Variants in SPON2 observed in about 807,000 individuals in gnomAD.
SPON2 encodes the protein spondin 2.
In SPON2, 32 loss-of-function variants were observed where a neutral mutation model predicts 29.9. The ratio of observed to expected loss-of-function variants is 1.07; its 90% CI spans 0.81 to 1.44. SPON2 has a LOEUF of 1.44. Among genes scored for constraint, SPON2 ranks in the 40% most tolerant of loss-of-function variants. SPON2 has a pLI of 0.00. For missense variants in SPON2, 541 were observed against 455.5 expected, an observed-to-expected ratio of 1.19 and a Z score of -1.71; for synonymous variants, 248 against 209.1, an observed-to-expected ratio of 1.19 and a Z score of -1.61.
At chr4:1,175,894 T>C (rs779856231), upstream of SPON2, among the ~76,000 whole-genome samples, 2 of 151,974 alleles carry the variant, frequency 1.3e-5, no homozygotes, top group Non-Finnish European at 2.9e-5. Context: ...GGGGGCTTGT[T>C]TGGAGGGCTG....
At chr4:1,200,707 C>T (rs1364807523) in intron 1 of SPON2, 6 of 418,716 alleles carry the variant, frequency 1.4e-5, no homozygotes, top group East Asian at 1.4e-4. Flanking sequence ...CTCCCATCTG[C>T]GTGGACATCG....
At position 1,170,019 on chromosome 4, in the gene SPON2, C is replaced by A. The variant is rs78535033; in HGVS notation, c.811+383G>T. ...CTGTGTGGTGGCTGGGTCCCGAGAC[C>A]CCCACAGGTGCCCTGCAGCATAGCT... On this transcript the variant is annotated intron_variant, in intron 5 of 5. Transcript: ENST00000290902. The A allele has an allele frequency of 7.8e-3, 1,794 of 229,686 alleles. 15 individuals carry two copies. The highest frequency in any genetic ancestry group is 0.014 in the Admixed American group (239 of 17,082). The allele number at this position is 229,686 out of a possible 1,614,324, so 14.2% of individuals were successfully genotyped here.
chr4:1,182,728 C>G (rs1205586725), intron 1 of SPON2, among the ~76,000 whole-genome samples: 1 of 152,032 alleles, frequency 6.6e-6, no homozygotes, highest in Non-Finnish European at 1.5e-5. Flanking sequence ...AACATCTAAG[C>G]TCAACAAACT....
rs527940917 is a variant in SPON2 at position 1,169,221 on chromosome 4, A to G, written c.811+1181T>C. ...TGTGGGGCAAACCGCACCTCTCTGG[A>G]CCCTCTGCCCACGAGGGGCTCTTCC... On this transcript the variant is annotated intron_variant, in intron 5 of 5. Coordinates refer to ENST00000290902, the MANE Select transcript of SPON2 (RefSeq NM_012445.4). 4.2e-4 allele frequency among the ~76,000 whole-genome samples: 64 copies of G among 151,896 alleles called. No homozygotes were observed. The Middle Eastern group carries it at 0.014, about 32-fold the overall frequency.
At chr4:1,201,732 G>A (rs1174741116) in intron 1 of SPON2, among the ~76,000 whole-genome samples, 3 of 152,054 alleles carry the variant, frequency 2.0e-5, no homozygotes, top group Non-Finnish European at 4.4e-5. Context: ...ACAGGCGCCG[G>A]TTGCCACGCC....
upstream of SPON2, among the ~76,000 whole-genome samples, chr4:1,174,512 A>AAAAAAAC (rs1560203869): frequency 1.3e-5 from 2 of 148,864 alleles, no homozygotes; most frequent in African/African-American, 2.6e-5. Flanking sequence ...ACAAAAAAAC[A>AAAAAAAC]AAAAACAAAA....
At chr4:1,175,618 T>G (rs1577901040), upstream of SPON2, among the ~76,000 whole-genome samples, 2 of 143,398 alleles carry the variant, frequency 1.4e-5, no homozygotes, top group South Asian at 4.5e-4. Flanking sequence ...CTGGCCTGGG[T>G]GGGGGTTCTC....
intron 2 of SPON2, 161 bp from the exon 3 acceptor site, chr4:1,171,647 C>T (rs1727453946): frequency 1.2e-6 from 1 of 830,762 alleles, no homozygotes; most frequent in Non-Finnish European, 1.9e-6. Flanking sequence ...TGCCGCGACC[C>T]ACCTGCGCCC....
chr4:1,170,807 G>T, intron 4 of SPON2, 192 bp downstream of exon 4: 2 of 984,280 alleles, frequency 2.0e-6, no homozygotes, highest in Non-Finnish European at 1.6e-6. Context: ...CTGCGGTGCT[G>T]TGACCCCGGG....
At chr4:1,167,699 A>G (rs1727291923) in intron 5 of SPON2, 43 bp from the exon 6 acceptor site, 4 of 1,536,870 alleles carry the variant, frequency 2.6e-6, no homozygotes, top group Non-Finnish European at 3.5e-6. Context: ...GCTCGCGTGA[A>G]GAGGCGCTTC....
Position 1,171,990 on chromosome 4 carries a change from G to T in SPON2, c.82C>A (p.Pro28Thr). Residue 28 changes from proline to threonine, a missense_variant, in exon 2 of 6, where the codon CCT becomes ACT. Physicochemically the swap from Pro to Thr is conservative, Grantham distance 38. Transcript: ENST00000290902. ...LLATLGAAGQ[P>T]LGGESICSAR... ...GAACAGATGGACTCTCCCCCAAGAG[G>T]CTGGCCGGCGGCGCCGAGAGTGGCC... The T allele has an allele frequency of 6.2e-7, 1 of 1,612,928 alleles. No homozygotes were observed. The highest frequency in any genetic ancestry group is 1.7e-4 in the Middle Eastern group (1 of 6,050).
chr4:1,207,239 G>A (rs1376487225), intron 1 of SPON2, among the ~76,000 whole-genome samples: 1 of 152,152 alleles, frequency 6.6e-6, no homozygotes, highest in East Asian at 1.9e-4. Context: ...GGTGGAGGCC[G>A]GAGGCCTAGA....
chr4:1,197,600 G>A (rs145222140), upstream of SPON2, among the ~76,000 whole-genome samples: 6 of 149,808 alleles, frequency 4.0e-5, no homozygotes, highest in Non-Finnish European at 8.9e-5. Flanking sequence ...AAACTAGAAT[G>A]AGAACAATAA....
At chr4:1,191,969 G>T (rs983037938) in intron 1 of SPON2, among the ~76,000 whole-genome samples, 2 of 152,330 alleles carry the variant, frequency 1.3e-5, no homozygotes, top group East Asian at 3.9e-4. Flanking sequence ...GACCACTTGG[G>T]TCCCTGTTTC....
At chr4:1,170,703 C>G in intron 4 of SPON2, 127 bp from the exon 5 acceptor site, 3 of 1,193,086 alleles carry the variant, frequency 2.5e-6, no homozygotes, top group Non-Finnish European at 3.6e-6. Context: ...GGACAGGGTC[C>G]CATGTACTCC....
upstream of SPON2, among the ~76,000 whole-genome samples, chr4:1,197,402 C>T (rs1306062741): frequency 6.6e-6 from 1 of 152,192 alleles, no homozygotes; most frequent in Non-Finnish European, 1.5e-5. Flanking sequence ...GAAACCAACA[C>T]ACTCCCAGGT....
Position 1,167,574 on chromosome 4 carries a change from G to T in SPON2, c.894C>A (p.Thr298=). 2 of 1,613,568 alleles carry T rather than the reference G, an allele frequency of 1.2e-6. No individual in the cohort carries two copies. The highest frequency in any genetic ancestry group is 1.7e-6 in the Non-Finnish European group (2 of 1,179,994). Reference sequence around the variant, plus strand: ...CCCGGACGTAGCGAGTCCTGCTCTTGGTCCCGAGCCTCCCACAGTGGCCTC... The same window carrying T: ...CCCGGACGTAGCGAGTCCTGCTCTTTGTCCCGAGCCTCCCACAGTGGCCTC... ...LCGGHCGRLG[T]KSRTRYVRVQ... is the part of the protein sequence containing the mutation. The change falls in exon 6 of 6, where the codon ACC becomes ACA. Residue 298 remains threonine (T), a synonymous_variant. Transcript: ENST00000290902.
At chr4:1,188,476 C>T (rs1727846454) in intron 1 of SPON2, among the ~76,000 whole-genome samples, 1 of 152,108 alleles carries the variant, frequency 6.6e-6, no homozygotes, top group Non-Finnish European at 1.5e-5. Flanking sequence ...CAAAGACACT[C>T]TGAAGTAAAA....
chr4:1,177,361 G>T (rs1038654175), upstream of SPON2, among the ~76,000 whole-genome samples: 1 of 152,246 alleles, frequency 6.6e-6, no homozygotes, highest in Non-Finnish European at 1.5e-5. Context: ...ATGTTTAAAA[G>T]TTGTCTTAAC....
Sources: allele counts gnomAD v4.1 joint callset (sites outside exome capture counted in the v4.1 genomes callset), GRCh38; gene constraint gnomAD v4.1.1; transcripts MANE v1.5; gene names NCBI Gene and HGNC (gene_info 2026-07-23, HGNC 2026-07-21).